The following KHDRBS2 variants were observed in gnomAD, a reference collection of about 807,000 sequenced individuals.
KHDRBS2 encodes KH RNA binding domain containing, signal transduction associated 2.
A neutral mutation model predicts 44.3 loss-of-function variants in KHDRBS2; 26 were observed. The observed-to-expected ratio is 0.59, with a 90% CI of 0.43 to 0.81. KHDRBS2 has a LOEUF of 0.81. Among genes scored for constraint, KHDRBS2 ranks in the 40% least tolerant of loss-of-function variants. The pLI is 0.00. For missense variants in KHDRBS2, 476 were observed against 433.1 expected, an observed-to-expected ratio of 1.10 and a Z score of -0.88; for synonymous variants, 194 against 151.1, an observed-to-expected ratio of 1.28 and a Z score of -2.08.
intron 1 of KHDRBS2, among the ~76,000 whole-genome samples, chr6:62,222,934 G>C (rs1171836629): frequency 1.3e-5 from 2 of 152,154 alleles, no homozygotes; most frequent in African/African-American, 4.8e-5. Flanking sequence ...CTGGCATTGA[G>C]TGTCTGTGGC....
chr6:62,154,014 T>C (rs1030951910), intron 2 of KHDRBS2, among the ~76,000 whole-genome samples: 1 of 152,222 alleles, frequency 6.6e-6, no homozygotes, highest in African/African-American at 2.4e-5. Flanking sequence ...GTTTCACTAG[T>C]AGAAGCGTTT....
intron 6 of KHDRBS2, among the ~76,000 whole-genome samples, chr6:61,834,302 C>T (rs1308524675): frequency 2.6e-5 from 4 of 151,942 alleles, no homozygotes. Flanking sequence ...ATTTTCCTTA[C>T]TTTCTTCAAT....
intron 4 of KHDRBS2, among the ~76,000 whole-genome samples, chr6:61,955,335 CAT>C (rs1491255974): frequency 6.9e-6 from 1 of 144,018 alleles, no homozygotes; most frequent in African/African-American, 2.6e-5. Context: ...TATATATACA[CAT>C]ATGTATGTAT....
chr6:61,598,821 TGTCC>T, the KHDRBS2 span, among the ~76,000 whole-genome samples: 1 of 117,916 alleles, frequency 8.5e-6, no homozygotes. Flanking sequence ...AAGGGTAGAG[TGTCC>T]TTTTTTCTTT....
chr6:62,018,457 C>T (rs546456270), intron 3 of KHDRBS2, among the ~76,000 whole-genome samples: 1 of 152,098 alleles, frequency 6.6e-6, no homozygotes, highest in Non-Finnish European at 1.5e-5. Context: ...ACGCCATTCT[C>T]CTGTCTCAGC....
At chr6:61,857,319 C>T (rs1483738280) in intron 6 of KHDRBS2, among the ~76,000 whole-genome samples, 4 of 152,020 alleles carry the variant, frequency 2.6e-5, no homozygotes, top group Non-Finnish European at 4.4e-5. Flanking sequence ...AAACATCTCT[C>T]TTAAATTTCC....
At chr6:61,884,848 C>T (rs574390184) in intron 6 of KHDRBS2, among the ~76,000 whole-genome samples, 23 of 152,174 alleles carry the variant, frequency 1.5e-4, no homozygotes, top group African/African-American at 5.5e-4. Context: ...CCTGCTCTGT[C>T]CCCCCATAGA....
chr6:61,688,814 T>C (rs1582168481), intron 8 of KHDRBS2, among the ~76,000 whole-genome samples: 2 of 151,962 alleles, frequency 1.3e-5, no homozygotes, highest in Admixed American at 6.6e-5. Context: ...TCTTAGTTAG[T>C]CTTTGTCCCT....
At position 61,848,482 on chromosome 6, in the gene KHDRBS2, T is replaced by C. The variant is rs1270753506; in HGVS notation, c.810+46153A>G. Reference sequence around the variant, plus strand: ...GAAATGGAGGTTTTATATATATATATATATATATGTATATATATATATATA... The same window carrying C: ...GAAATGGAGGTTTTATATATATATACATATATATGTATATATATATATATA... On this transcript the variant is annotated intron_variant, in intron 6 of 8. Coordinates refer to ENST00000281156, the MANE Select transcript of KHDRBS2 (RefSeq NM_152688.4). 2.1e-4 allele frequency among the ~76,000 whole-genome samples: 10 copies of C among 48,688 alleles called. 1 individual carries two copies. The highest frequency in any genetic ancestry group is 7.5e-4 in the South Asian group (1 of 1,338). The allele number at this position is 48,688 out of a possible 152,430, so 31.9% of individuals were successfully genotyped here.
the KHDRBS2 span, among the ~76,000 whole-genome samples, chr6:61,565,867 T>C: frequency 6.6e-6 from 1 of 152,070 alleles, no homozygotes; most frequent in Non-Finnish European, 1.5e-5. Context: ...TGGGTATATA[T>C]CCAAAAGCAA....
chr6:61,880,428 T>C (rs1170388448), intron 6 of KHDRBS2, among the ~76,000 whole-genome samples: 1 of 151,896 alleles, frequency 6.6e-6, no homozygotes, highest in East Asian at 1.9e-4. Flanking sequence ...GAAACAATCA[T>C]ATTCTGTTGT....
chr6:61,684,006 T>A (rs1366912213), intron 8 of KHDRBS2, among the ~76,000 whole-genome samples: 8 of 151,994 alleles, frequency 5.3e-5, no homozygotes, highest in Admixed American at 3.9e-4. Flanking sequence ...TGTTTACATG[T>A]TCTTGGTAAC....
chr6:62,148,362 T>C (rs951254126), intron 2 of KHDRBS2, among the ~76,000 whole-genome samples: 5 of 152,004 alleles, frequency 3.3e-5, no homozygotes, highest in African/African-American at 1.2e-4. Context: ...AAGAATACTA[T>C]GAATAAAGAT....
chr6:61,656,163 G>A, the KHDRBS2 span, among the ~76,000 whole-genome samples: 1 of 152,036 alleles, frequency 6.6e-6, no homozygotes, highest in African/African-American at 2.4e-5. Flanking sequence ...TTGAGTATGG[G>A]CTTCTGAGAT....
At chr6:62,062,012 T>G (rs1356960966) in intron 2 of KHDRBS2, among the ~76,000 whole-genome samples, 1 of 151,708 alleles carries the variant, frequency 6.6e-6, no homozygotes. Context: ...CGAGCCTTGG[T>G]TTTCAGCTCC....
the KHDRBS2 span, among the ~76,000 whole-genome samples, chr6:61,586,100 C>T: frequency 6.6e-6 from 1 of 152,136 alleles, no homozygotes. Flanking sequence ...CTAAATCAAG[C>T]CTTGCCATAA....
chr6:61,649,175 A>G, the KHDRBS2 span, among the ~76,000 whole-genome samples: 2 of 152,064 alleles, frequency 1.3e-5, no homozygotes, highest in Admixed American at 1.3e-4. Flanking sequence ...GAGGGGGCTT[A>G]TGTGTTAAGG....
the KHDRBS2 span, among the ~76,000 whole-genome samples, chr6:61,656,690 T>C: frequency 5.3e-4 from 80 of 151,996 alleles, no homozygotes; most frequent in Admixed American, 2.0e-3. Context: ...ATGAAGTCAT[T>C]GAACTTTAGT....
chr6:62,005,030 G>A (rs911496703), intron 3 of KHDRBS2, among the ~76,000 whole-genome samples: 5 of 151,822 alleles, frequency 3.3e-5, no homozygotes, highest in Admixed American at 1.3e-4. Context: ...AATCCTAGTT[G>A]TCTTTTCCTT....
Sources: allele counts gnomAD v4.1 joint callset (sites outside exome capture counted in the v4.1 genomes callset), GRCh38; gene constraint gnomAD v4.1.1; transcripts MANE v1.5; gene names NCBI Gene and HGNC (gene_info 2026-07-23, HGNC 2026-07-21).